RBFOX1: variants seen among roughly 807,000 people sequenced by gnomAD.
RBFOX1 encodes the protein RNA binding fox-1 homolog 1, also known as RNA binding protein fox-1 homolog 1.
Under a neutral mutation model 57.7 loss-of-function variants are expected in RBFOX1, and 8 were observed. That is an observed-to-expected ratio of 0.14 (90% CI 0.08 to 0.25). The LOEUF is 0.25. Ranked by LOEUF, RBFOX1 falls within the 10% of genes least tolerant of loss-of-function variation. RBFOX1 has a pLI of 1.00. For synonymous variants in RBFOX1, 326 were observed against 222.4 expected (o/e 1.47, Z -4.15); for missense variants, 611 against 548.5 (o/e 1.11, Z -1.14).
chr16:6,134,443 T>C (rs1457331144), intron 1 of RBFOX1, among the ~76,000 whole-genome samples: 1 of 152,206 alleles, frequency 6.6e-6, no homozygotes, highest in Non-Finnish European at 1.5e-5. Flanking sequence ...AATGAATGTC[T>C]TGTTAGGGGT....
intron 4 of RBFOX1, among the ~76,000 whole-genome samples, chr16:7,135,490 G>A (rs1472515703): frequency 2.0e-5 from 3 of 152,222 alleles, no homozygotes; most frequent in Non-Finnish European, 2.9e-5. Flanking sequence ...TGAATACTAA[G>A]GGGTGTGTTT....
chr16:5,248,912 C>G (rs186830899), intron 1 of RBFOX1, among the ~76,000 whole-genome samples: 2 of 138,202 alleles, frequency 1.4e-5, no homozygotes, highest in Non-Finnish European at 3.0e-5. Context: ...TGCTTGAACC[C>G]GGGAGGTGGA....
intron 11 of RBFOX1, among the ~76,000 whole-genome samples, chr16:7,647,916 G>A (rs1327590419): frequency 6.6e-6 from 1 of 152,120 alleles, no homozygotes; most frequent in Non-Finnish European, 1.5e-5. Context: ...ACATGTAAGA[G>A]GTTCTCTTTC....
intron 3 of RBFOX1, among the ~76,000 whole-genome samples, chr16:6,773,214 T>A (rs1352431507): frequency 1.4e-5 from 2 of 143,562 alleles, no homozygotes; most frequent in African/African-American, 5.3e-5. Flanking sequence ...TGTGTGAGTG[T>A]ATGTGTGGGT....
intron 2 of RBFOX1, among the ~76,000 whole-genome samples, chr16:6,574,170 T>C (rs946567188): frequency 1.3e-5 from 2 of 152,118 alleles, no homozygotes; most frequent in Middle Eastern, 3.2e-3. Context: ...ATATTATTGG[T>C]GGGACCGTGG....
intron 2 of RBFOX1, among the ~76,000 whole-genome samples, chr16:6,616,862 C>G (rs1345169115): frequency 6.6e-6 from 1 of 152,246 alleles, no homozygotes; most frequent in East Asian, 1.9e-4. Flanking sequence ...TGGGCCACCT[C>G]TAGCCTCTGT....
rs2098388704 is a variant in RBFOX1 at position 7,408,792 on chromosome 16, GTGT to G, written c.28-109350_28-109348del. 2.6e-5 allele frequency among the ~76,000 whole-genome samples: 4 copies of G among 152,222 alleles called. No individual in the cohort carries two copies. In the South Asian group the frequency reaches 8.3e-4, roughly 32 times the overall value. The stretch of plus-strand genomic sequence containing the variant: ...CAGTAGCATCCCCTCCCTCCTTGTT[GTGT>G]TGTTACTACCGAAAATGTCTCCAGA... On this transcript the variant is annotated intron_variant, in intron 4 of 15. Coordinates refer to ENST00000550418, the MANE Select transcript of RBFOX1 (RefSeq NM_018723.4).
intron 1 of RBFOX1, among the ~76,000 whole-genome samples, chr16:6,029,661 T>C (rs2095259128): frequency 6.7e-6 from 1 of 150,364 alleles, no homozygotes; most frequent in Non-Finnish European, 1.5e-5. Context: ...TAGTCCCAGC[T>C]ACTCGGAAGG....
At chr16:6,322,023 C>T (rs898937085) in intron 2 of RBFOX1, among the ~76,000 whole-genome samples, 9 of 152,210 alleles carry the variant, frequency 5.9e-5, no homozygotes, top group Non-Finnish European at 1.3e-4. Context: ...GGGCACCACT[C>T]TCTTCTCAGG....
chr16:6,430,611 G>A (rs1023227475), intron 2 of RBFOX1, among the ~76,000 whole-genome samples: 5 of 152,286 alleles, frequency 3.3e-5, no homozygotes, highest in African/African-American at 1.2e-4. Flanking sequence ...CTGCTGACGG[G>A]TGGAGAGTAA....
chr16:7,652,276 A>C (rs1041409934), intron 11 of RBFOX1, among the ~76,000 whole-genome samples: 14 of 152,154 alleles, frequency 9.2e-5, no homozygotes, highest in African/African-American at 3.4e-4. Flanking sequence ...GAGGAAGGGA[A>C]TCCCAGATAG....
intron 4 of RBFOX1, among the ~76,000 whole-genome samples, chr16:7,211,224 T>C (rs1313261753): frequency 1.3e-5 from 2 of 151,682 alleles, no homozygotes; most frequent in African/African-American, 2.4e-5. Flanking sequence ...ACCCCGTCTC[T>C]ACTAAAAACA....
chr16:5,827,023 G>A (rs1025021398), intron 3 of RBFOX1, among the ~76,000 whole-genome samples: 12 of 152,094 alleles, frequency 7.9e-5, no homozygotes, highest in African/African-American at 2.4e-4. Context: ...CTATCTCTTC[G>A]TTGGAGCATC....
intron 4 of RBFOX1, among the ~76,000 whole-genome samples, chr16:7,345,966 A>G (rs1340631075): frequency 6.6e-6 from 1 of 152,080 alleles, no homozygotes; most frequent in Admixed American, 6.5e-5. Flanking sequence ...TCCTAATGCT[A>G]TCCCTCCCAG....
chr16:6,313,664 A>G (rs1038104247), intron 1 of RBFOX1, among the ~76,000 whole-genome samples: 3 of 152,142 alleles, frequency 2.0e-5, no homozygotes, highest in Admixed American at 6.5e-5. Context: ...ACTTTGTTCC[A>G]ATGTCCTCCG....
At chr16:7,102,009 C>T (rs776178813) in intron 4 of RBFOX1, among the ~76,000 whole-genome samples, 2 of 152,188 alleles carry the variant, frequency 1.3e-5, no homozygotes, top group Non-Finnish European at 2.9e-5. Context: ...GTTTTCCTTA[C>T]TCCAAATTTA....
At chr16:6,798,932 C>G (rs1021613886) in intron 3 of RBFOX1, among the ~76,000 whole-genome samples, 3 of 152,086 alleles carry the variant, frequency 2.0e-5, no homozygotes, top group East Asian at 1.9e-4. Flanking sequence ...TTTAATATCT[C>G]AAGTTTCTCT....
chr16:5,392,377 G>T (rs2066435898), intron 1 of RBFOX1, among the ~76,000 whole-genome samples: 2 of 152,140 alleles, frequency 1.3e-5, no homozygotes, highest in African/African-American at 4.8e-5. Context: ...ATCTGCAAAG[G>T]CCGTACTTCC....
At chr16:6,983,398 G>C (rs946302552) in intron 3 of RBFOX1, among the ~76,000 whole-genome samples, 1 of 151,516 alleles carries the variant, frequency 6.6e-6, no homozygotes, top group Admixed American at 6.6e-5. Flanking sequence ...GGAGAATATC[G>C]AGAATGATAT....
Sources: gnomAD v4.1 joint callset for allele counts (sites outside exome capture counted in the v4.1 genomes callset) on GRCh38, gnomAD v4.1.1 for gene constraint, MANE v1.5 for transcripts, NCBI Gene and HGNC (gene_info 2026-07-23, HGNC 2026-07-21) for gene names.